The following PLXDC2 variants were observed in gnomAD, a reference collection of about 807,000 sequenced individuals.
PLXDC2 encodes the protein plexin domain-containing protein 2.
PLXDC2 carries 40 observed loss-of-function variants against 68.9 expected under a neutral mutation model. The observed-to-expected ratio is 0.58, with a 90% CI of 0.45 to 0.76. The LOEUF (loss-of-function observed/expected upper bound fraction) is 0.76. Ranked by LOEUF, PLXDC2 falls within the 30% of genes least tolerant of loss-of-function variation. The pLI, the probability that PLXDC2 is intolerant of heterozygous loss-of-function variation, is 0.00. For missense variants in PLXDC2, 644 were observed against 661.9 expected, an observed-to-expected ratio of 0.97 and a Z score of 0.30; for synonymous variants, 243 against 234.2, an observed-to-expected ratio of 1.04 and a Z score of -0.34.
chr10:20,231,192 T>G (rs1249837057), intron 12 of PLXDC2, among the ~76,000 whole-genome samples: 1 of 150,958 alleles, frequency 6.6e-6, no homozygotes, highest in Non-Finnish European at 1.5e-5. Context: ...GAACAATATA[T>G]CTACAAAATC....
At chr10:19,858,669 G>A (rs981131257) in intron 1 of PLXDC2, among the ~76,000 whole-genome samples, 5 of 152,078 alleles carry the variant, frequency 3.3e-5, no homozygotes, top group African/African-American at 1.2e-4. Context: ...GGGAGAGTCT[G>A]GGAGAAGAAA....
chr10:19,989,885 G>A (rs1179985360), intron 1 of PLXDC2, among the ~76,000 whole-genome samples: 1 of 151,714 alleles, frequency 6.6e-6, no homozygotes, highest in Non-Finnish European at 1.5e-5. Flanking sequence ...GAGTAGCTGT[G>A]ATTGCAAGCA....
chr10:19,863,048 C>G (rs776706763), intron 1 of PLXDC2, among the ~76,000 whole-genome samples: 1 of 152,064 alleles, frequency 6.6e-6, no homozygotes, highest in Non-Finnish European at 1.5e-5. Context: ...TCCTTTTGTG[C>G]TATTATTTTT....
Position 20,194,190 on chromosome 10 carries a change from C to CTGTGTGTGTGTGTGTGTG in PLXDC2, c.1061+16803_1061+16820dup, listed in dbSNP as rs58142621. On this transcript the variant is annotated intron_variant, in intron 9 of 13. Coordinates refer to ENST00000377252, the MANE Select transcript of PLXDC2 (RefSeq NM_032812.9). ...ACTTTGAGAGACGAATTGAACTCAGCTGTGTGTGTGTGTGTGTGTGTGTGT... is the reference window on the plus strand; with the variant it reads ...ACTTTGAGAGACGAATTGAACTCAGCTGTGTGTGTGTGTGTGTGTGTGTGTGTGTGTGTGTGTGTGTGT... Among the ~76,000 whole-genome samples, 551 of 143,716 alleles carry CTGTGTGTGTGTGTGTGTG rather than the reference C, an allele frequency of 3.8e-3. 7 individuals carry two copies. Among genetic ancestry groups the CTGTGTGTGTGTGTGTGTG allele is most frequent in the East Asian group, 0.015 (65 of 4,458 alleles). 94.3% of individuals were successfully genotyped at this position (143,716 alleles called of 152,430 possible).
chr10:20,062,210 G>A (rs141362305), intron 3 of PLXDC2, among the ~76,000 whole-genome samples: 2,106 of 152,300 alleles, frequency 0.014, 56 homozygotes, highest in African/African-American at 0.048. Flanking sequence ...CGGATCACGA[G>A]GTCAAAAGAT....
At chr10:19,958,077 T>G (rs906717328) in intron 1 of PLXDC2, among the ~76,000 whole-genome samples, 1 of 152,032 alleles carries the variant, frequency 6.6e-6, no homozygotes, top group Non-Finnish European at 1.5e-5. Flanking sequence ...TGTTGTTCAT[T>G]GCATCTAGTA....
chr10:20,116,991 GA>G (rs1301864565), intron 4 of PLXDC2, among the ~76,000 whole-genome samples: 4 of 150,464 alleles, frequency 2.7e-5, no homozygotes, highest in Admixed American at 2.6e-4. Context: ...AAGACTGGAA[GA>G]AAAAATATAT....
At chr10:19,999,286 C>T (rs1411931064) in intron 1 of PLXDC2, among the ~76,000 whole-genome samples, 1 of 151,788 alleles carries the variant, frequency 6.6e-6, no homozygotes, top group East Asian at 1.9e-4. Context: ...AAATTAACAT[C>T]AAGGAGGAAT....
At chr10:19,976,978 G>A (rs1430717724) in intron 1 of PLXDC2, among the ~76,000 whole-genome samples, 1 of 150,708 alleles carries the variant, frequency 6.6e-6, no homozygotes, top group Admixed American at 6.6e-5. Context: ...ATAAAATTCT[G>A]TTCTTATTTC....
intron 3 of PLXDC2, among the ~76,000 whole-genome samples, chr10:20,062,565 A>G (rs1333568835): frequency 6.6e-6 from 1 of 152,168 alleles, no homozygotes; most frequent in Non-Finnish European, 1.5e-5. Context: ...GCATTGAATA[A>G]TTTGGAAAAA....
At chr10:19,887,436 C>A (rs1004465714) in intron 1 of PLXDC2, among the ~76,000 whole-genome samples, 2 of 152,062 alleles carry the variant, frequency 1.3e-5, no homozygotes, top group African/African-American at 4.8e-5. Flanking sequence ...GCAGGAGAAT[C>A]GCTTGAACCC....
intron 1 of PLXDC2, among the ~76,000 whole-genome samples, chr10:19,828,743 T>C (rs1381422720): frequency 6.6e-6 from 1 of 152,136 alleles, no homozygotes; most frequent in Non-Finnish European, 1.5e-5. Flanking sequence ...TGTTTGAAAA[T>C]AGGCATGGCC....
intron 1 of PLXDC2, among the ~76,000 whole-genome samples, chr10:19,882,578 A>G (rs1837747596): frequency 6.6e-6 from 1 of 152,174 alleles, no homozygotes; most frequent in Non-Finnish European, 1.5e-5. Context: ...CCATAAATGG[A>G]TGTCACGAAG....
At chr10:20,052,804 C>G (rs111753217) in intron 3 of PLXDC2, among the ~76,000 whole-genome samples, 191 of 149,984 alleles carry the variant, frequency 1.3e-3, no homozygotes, top group African/African-American at 4.5e-3. Context: ...AGAGGGCTAA[C>G]GATTTAGCCT....
chr10:19,965,127 T>C (rs1042043956), intron 1 of PLXDC2, among the ~76,000 whole-genome samples: 6 of 152,206 alleles, frequency 3.9e-5, no homozygotes, highest in African/African-American at 1.4e-4. Context: ...TTATTCAAAA[T>C]TGAGTATCAC....
chr10:20,096,180 C>T (rs976216517), intron 4 of PLXDC2, among the ~76,000 whole-genome samples: 1 of 152,160 alleles, frequency 6.6e-6, no homozygotes, highest in African/African-American at 2.4e-5. Context: ...GGTCTTTCCA[C>T]TCTGTTTCTT....
chr10:19,884,187 G>A (rs781647973), intron 1 of PLXDC2, among the ~76,000 whole-genome samples: 4 of 151,642 alleles, frequency 2.6e-5, no homozygotes, highest in Non-Finnish European at 5.9e-5. Flanking sequence ...GTGAACCACT[G>A]TGCCCGGCCT....
intron 1 of PLXDC2, among the ~76,000 whole-genome samples, chr10:19,839,684 C>T (rs1482001788): frequency 1.3e-5 from 2 of 150,516 alleles, no homozygotes; most frequent in Non-Finnish European, 1.5e-5. Context: ...ATTCTTAGTA[C>T]CTGATCTGGG....
chr10:20,256,694 G>A (rs1240174223), intron 13 of PLXDC2, among the ~76,000 whole-genome samples: 1 of 150,424 alleles, frequency 6.6e-6, no homozygotes, highest in East Asian at 1.9e-4. Flanking sequence ...TTTTCCCTTG[G>A]TGTTGTCCTT....
Sources: allele counts gnomAD v4.1 joint callset (sites outside exome capture counted in the v4.1 genomes callset), GRCh38; gene constraint gnomAD v4.1.1; transcripts MANE v1.5; gene names NCBI Gene and HGNC (gene_info 2026-07-23, HGNC 2026-07-21).